The following CTNNA2 variants were observed in gnomAD, a reference collection of about 807,000 sequenced individuals.
The protein encoded by CTNNA2 is catenin alpha 2.
A neutral mutation model predicts 101.0 loss-of-function variants in CTNNA2; 42 were observed. That is an observed-to-expected ratio of 0.42 (90% confidence interval 0.32 to 0.54). The LOEUF is 0.54. CTNNA2 is among the 20% of genes least tolerant of loss of function. The pLI, the probability that CTNNA2 is intolerant of heterozygous loss-of-function variation, is 0.14. For synonymous variants in CTNNA2, 450 were observed against 456.4 expected, an observed-to-expected ratio of 0.99 and a Z score of 0.18; for missense variants, 871 against 1,223.1, an observed-to-expected ratio of 0.71 and a Z score of 4.29.
At chr2:79,867,263 T>C (rs1682183847) in intron 4 of CTNNA2, among the ~76,000 whole-genome samples, 1 of 152,222 alleles carries the variant, frequency 6.6e-6, no homozygotes, top group African/African-American at 2.4e-5. Context: ...ATTTTTATAT[T>C]AATTTTGAAT....
At chr2:79,620,764 G>C (rs184240860) in intron 1 of CTNNA2, among the ~76,000 whole-genome samples, 24 of 152,214 alleles carry the variant, frequency 1.6e-4, no homozygotes, top group Non-Finnish European at 2.6e-4. Flanking sequence ...GGTGTGCATA[G>C]GCAGCCATAG....
intron 4 of CTNNA2, among the ~76,000 whole-genome samples, chr2:79,487,788 A>G (rs1287790917): frequency 6.6e-6 from 1 of 152,226 alleles, no homozygotes; most frequent in Non-Finnish European, 1.5e-5. Flanking sequence ...GAAAACAATG[A>G]AAGAGAGAGT....
intron 7 of CTNNA2, among the ~76,000 whole-genome samples, chr2:80,139,395 G>A (rs566013912): frequency 6.6e-6 from 1 of 152,178 alleles, no homozygotes; most frequent in South Asian, 2.1e-4. Flanking sequence ...TGTTGTCTCT[G>A]CTCCCTCTGT....
chr2:79,848,574 T>A (rs1205179639), intron 3 of CTNNA2, among the ~76,000 whole-genome samples: 1 of 152,164 alleles, frequency 6.6e-6, no homozygotes. Context: ...ACAGCTGAAA[T>A]AATTAAAATC....
intron 1 of CTNNA2, among the ~76,000 whole-genome samples, chr2:79,185,743 G>T (rs1404050068): frequency 6.6e-6 from 1 of 152,114 alleles, no homozygotes; most frequent in Non-Finnish European, 1.5e-5. Flanking sequence ...TGTTAATTAT[G>T]TCACTGTTGT....
At chr2:80,546,803 G>C (rs1692113940) in intron 11 of CTNNA2, among the ~76,000 whole-genome samples, 1 of 152,144 alleles carries the variant, frequency 6.6e-6, no homozygotes, top group African/African-American at 2.4e-5. Flanking sequence ...TAACTTATTT[G>C]GCCCAGTTCA....
intron 4 of CTNNA2, among the ~76,000 whole-genome samples, chr2:79,423,429 T>C (rs182468352): frequency 6.6e-6 from 1 of 152,274 alleles, no homozygotes; most frequent in East Asian, 1.9e-4. Context: ...AAAAGTGAGA[T>C]ATAATAAAAT....
intron 7 of CTNNA2, among the ~76,000 whole-genome samples, chr2:80,000,306 G>A (rs1692854715): frequency 6.6e-6 from 1 of 152,148 alleles, no homozygotes; most frequent in African/African-American, 2.4e-5. Flanking sequence ...CTGGTCTATA[G>A]CATTGTTTGA....
At chr2:80,310,909 G>A (rs1288241062) in intron 7 of CTNNA2, among the ~76,000 whole-genome samples, 1 of 148,138 alleles carries the variant, frequency 6.8e-6, no homozygotes, top group Admixed American at 6.8e-5. Context: ...GGAGGCGGAT[G>A]TTGCAGTGAT....
chr2:79,265,042 A>G (rs939975202), intron 2 of CTNNA2, among the ~76,000 whole-genome samples: 8 of 152,296 alleles, frequency 5.3e-5, no homozygotes, highest in South Asian at 2.1e-4. Context: ...TAATAAGATA[A>G]GGAAGATTTA....
At chr2:79,202,569 C>G (rs1404204622) in intron 2 of CTNNA2, among the ~76,000 whole-genome samples, 1 of 152,106 alleles carries the variant, frequency 6.6e-6, no homozygotes, top group African/African-American at 2.4e-5. Context: ...CCCCTGTAAC[C>G]TAAATTTCAG....
intron 3 of CTNNA2, among the ~76,000 whole-genome samples, chr2:79,754,057 CAG>C (rs1043308871): frequency 3.3e-5 from 5 of 151,838 alleles, no homozygotes; most frequent in Non-Finnish European, 7.4e-5. Flanking sequence ...CTAGTAGAGA[CAG>C]GGTTTCACCA....
At chr2:79,363,277 C>G (rs1677671448) in intron 3 of CTNNA2, among the ~76,000 whole-genome samples, 3 of 152,188 alleles carry the variant, frequency 2.0e-5, no homozygotes, top group African/African-American at 7.2e-5. Flanking sequence ...AAGCTCTCTA[C>G]TGTCTATTTT....
chr2:79,239,526 C>T (rs1360911109), intron 2 of CTNNA2, among the ~76,000 whole-genome samples: 1 of 151,958 alleles, frequency 6.6e-6, no homozygotes, highest in Non-Finnish European at 1.5e-5. Context: ...GCTCAAAAAA[C>T]AACAACAAAA....
intron 9 of CTNNA2, among the ~76,000 whole-genome samples, chr2:80,454,929 G>T (rs1683837465): frequency 1.3e-5 from 2 of 152,218 alleles, no homozygotes; most frequent in South Asian, 4.1e-4. Flanking sequence ...AAACAAGGAA[G>T]CTGTGAAATC....
At chr2:80,036,848 TGAGAGA>T (rs71965090) in intron 7 of CTNNA2, among the ~76,000 whole-genome samples, 6,676 of 120,148 alleles carry the variant, frequency 0.056, 247 homozygotes, top group African/African-American at 0.12. Flanking sequence ...TGTGTGTGTG[TGAGAGA>T]GAGAGAGAGA....
rs1221914664 is a variant in CTNNA2 at position 80,364,559 on chromosome 2, T to A, written c.1057-28652T>A. On this transcript the variant is annotated intron_variant, in intron 7 of 18. Coordinates refer to ENST00000402739, the MANE Select transcript of CTNNA2 (RefSeq NM_001282597.3). ...TATTATAATTTGAGAGAAAGTAATT[T>A]TTTTTTTTTTTTTTTTTCTGATGGT... Among the ~76,000 whole-genome samples the A allele has an allele frequency of 1.7e-4, 21 of 120,428 alleles. 1 individual carries two copies. The highest frequency in any genetic ancestry group is 9.2e-4 in the African/African-American group (21 of 22,870). 79.0% of individuals were successfully genotyped at this position (120,428 alleles called of 152,430 possible).
In CTNNA2 at chr2:80,439,287, A is replaced by G. The variant is rs1034033275; in HGVS notation, c.1290+19686A>G. Reference sequence around the variant, plus strand: ...ATTTATTTCTCACTTCCCCTGCTGCATTTTAATGTTAGGATATTTGCAAAA... The same window carrying G: ...ATTTATTTCTCACTTCCCCTGCTGCGTTTTAATGTTAGGATATTTGCAAAA... On this transcript the variant is annotated intron_variant, in intron 9 of 18. Transcript: ENST00000402739. Among the ~76,000 whole-genome samples the G allele has an allele frequency of 7.9e-5, 12 of 152,196 alleles. 1 individual carries two copies. Among genetic ancestry groups the G allele is most frequent in the Admixed American group, 7.2e-4 (11 of 15,274 alleles).
intron 7 of CTNNA2, among the ~76,000 whole-genome samples, chr2:80,056,962 G>T (rs1024994577): frequency 1.3e-5 from 2 of 152,102 alleles, no homozygotes; most frequent in African/African-American, 4.8e-5. Flanking sequence ...CATAGAAAAG[G>T]TTCCTCTTGT....
Sources: gnomAD v4.1 joint callset for allele counts (sites outside exome capture counted in the v4.1 genomes callset) on GRCh38, gnomAD v4.1.1 for gene constraint, MANE v1.5 for transcripts, NCBI Gene and HGNC (gene_info 2026-07-23, HGNC 2026-07-21) for gene names.